Variants in NCOA6 observed in about 807,000 individuals in gnomAD.
NCOA6 encodes NRC RAP250.
In NCOA6, 49 loss-of-function variants were observed where a neutral mutation model predicts 171.4. That is an observed-to-expected ratio of 0.29 (90% confidence interval 0.23 to 0.36). The LOEUF is 0.36. NCOA6 is among the 10% of genes least tolerant of loss of function. The pLI, the probability that NCOA6 is intolerant of heterozygous loss-of-function variation, is 1.00. For missense variants in NCOA6, 2,248 were observed against 2,554.5 expected (o/e 0.88, Z 2.59); for synonymous variants, 910 against 927.5 (o/e 0.98, Z 0.34).
chr20:34,749,949 G>A lies in NCOA6; in HGVS notation c.2246C>T (p.Pro749Leu), dbSNP rs749154297. The change falls in exon 9 of 15, where the codon CCA becomes CTA. Residue 749 changes from proline to leucine, a missense_variant. Around this residue, in one of 7 missense-constraint regions of NCOA6, gnomAD observed 987 missense variants for 1,104.7 expected, o/e 0.89. Coordinates refer to ENST00000359003, the MANE Select transcript of NCOA6 (RefSeq NM_014071.5). ...GPAQIMRGPT[P>L]NMQGNMVQFT... ...CTGCACCATATTTCCTTGCATGTTTGGAGTTGGTCCCCTCATTATCTGGGC... is the reference window on the plus strand; with the variant it reads ...CTGCACCATATTTCCTTGCATGTTTAGAGTTGGTCCCCTCATTATCTGGGC... 17 of 1,614,016 alleles carry A rather than the reference G, an allele frequency of 1.1e-5. No individual in the cohort carries two copies. The highest frequency in any genetic ancestry group is 3.3e-5 in the South Asian group (3 of 91,088).
At chr20:34,791,352 G>C (rs2077876926) in intron 2 of NCOA6, among the ~76,000 whole-genome samples, 1 of 152,150 alleles carries the variant, frequency 6.6e-6, no homozygotes, top group African/African-American at 2.4e-5. Context: ...CCCATCATGA[G>C]TATTCTCTAA....
chr20:34,803,890 T>C (rs2078346575), intron 1 of NCOA6, among the ~76,000 whole-genome samples: 1 of 150,950 alleles, frequency 6.6e-6, no homozygotes, highest in African/African-American at 2.4e-5. Flanking sequence ...TCCCACCTAC[T>C]AGGAGGCTGA....
At chr20:34,753,392 T>C (rs1280293951) in intron 8 of NCOA6, among the ~76,000 whole-genome samples, 1 of 149,896 alleles carries the variant, frequency 6.7e-6, no homozygotes, top group Non-Finnish European at 1.5e-5. Context: ...CTGGGTACAG[T>C]GGCTCATGCC....
chr20:34,825,532 C>T lies in NCOA6; in HGVS notation c.-224G>A, dbSNP rs1445814403. 1 of 149,370 alleles carries T rather than the reference C, an allele frequency of 6.7e-6. No individual in the cohort carries two copies. The highest frequency in any genetic ancestry group is 6.7e-5 in the Admixed American group (1 of 15,036). 9.3% of individuals were successfully genotyped at this position (149,370 alleles called of 1,614,324 possible). A position where few individuals can be genotyped will look rare whatever the true frequency, so the allele number is the denominator to read the frequency against. On this transcript the variant is annotated 5_prime_UTR_variant, in exon 1 of 15. Transcript: ENST00000359003. ...GAGCGCCGGCCCGGGCCGTGCGTGC[C>T]CGCCGCCCTCGGTGCGTCCGTCCGT...
chr20:34,730,891 T>C (rs1021667077), intron 13 of NCOA6, among the ~76,000 whole-genome samples: 4 of 151,794 alleles, frequency 2.6e-5, no homozygotes, highest in African/African-American at 9.7e-5. Flanking sequence ...ATTTTTTGTA[T>C]AGACAGGGTT....
intron 12 of NCOA6, chr20:34,732,859 G>A: frequency 3.3e-6 from 1 of 298,948 alleles, no homozygotes; most frequent in Non-Finnish European, 6.2e-6. Flanking sequence ...ACCCTTCCTT[G>A]TTCATATTTC....
Position 34,741,640 on chromosome 20 carries a change from G to T in NCOA6, c.4616C>A (p.Ser1539Tyr). The change falls in exon 11 of 15, where the codon TCT becomes TAT. Residue 1539 changes from serine to tyrosine, a missense_variant. Coordinates refer to ENST00000359003, the MANE Select transcript of NCOA6 (RefSeq NM_014071.5). ...TAGGGAATTAGAAGGTTCTTTAGAA[G>T]AAGACAGATCCTGCAGTGTGGGAAT... ...SVIPTLQDLSSSKEPSNSLNL... is the reference protein window; with the variant it reads ...SVIPTLQDLSYSKEPSNSLNL... The T allele has an allele frequency of 1.2e-6, 2 of 1,614,222 alleles. No individual in the cohort carries two copies. Among genetic ancestry groups the T allele is most frequent in the Non-Finnish European group, 1.7e-6 (2 of 1,180,048 alleles).
At chr20:34,725,759 T>G (rs1450290772) in intron 14 of NCOA6, among the ~76,000 whole-genome samples, 2 of 152,172 alleles carry the variant, frequency 1.3e-5, no homozygotes, top group East Asian at 3.9e-4. Context: ...GTGGTGCCAT[T>G]TATTGAGATG....
chr20:34,803,385 A>G (rs2078321497), intron 1 of NCOA6, among the ~76,000 whole-genome samples: 1 of 151,262 alleles, frequency 6.6e-6, no homozygotes, highest in Admixed American at 6.6e-5. Context: ...GGAGAATCAC[A>G]TGAACTCAGA....
At chr20:34,766,666 A>G (rs2076992282) in intron 5 of NCOA6, among the ~76,000 whole-genome samples, 1 of 152,216 alleles carries the variant, frequency 6.6e-6, no homozygotes, top group East Asian at 1.9e-4. Context: ...TACTAATAAC[A>G]GTTAAGTGGC....
intron 13 of NCOA6, among the ~76,000 whole-genome samples, chr20:34,731,691 A>G (rs916271022): frequency 6.6e-6 from 1 of 152,230 alleles, no homozygotes; most frequent in African/African-American, 2.4e-5. Context: ...GTTGCTGTAC[A>G]ATTATGAGAA....
chr20:34,721,952 G>A (rs1989395003), intron 14 of NCOA6, among the ~76,000 whole-genome samples: 1 of 150,024 alleles, frequency 6.7e-6, no homozygotes, highest in Non-Finnish European at 1.5e-5. Context: ...TTACTCAGGA[G>A]GCTAAGGCAG....
chr20:34,747,122 A>T (rs1163941340), intron 9 of NCOA6, among the ~76,000 whole-genome samples, 194 bp from the exon 10 acceptor site: 1 of 152,166 alleles, frequency 6.6e-6, no homozygotes, highest in Non-Finnish European at 1.5e-5. Flanking sequence ...TAAATGTTAA[A>T]ATCCATTTAA....
chr20:34,761,623 T>C (rs981228782), intron 5 of NCOA6, among the ~76,000 whole-genome samples: 2 of 152,170 alleles, frequency 1.3e-5, no homozygotes, highest in African/African-American at 4.8e-5. Flanking sequence ...CTTGGAAATA[T>C]TAAGAATTCT....
intron 12 of NCOA6, among the ~76,000 whole-genome samples, chr20:34,733,892 T>C (rs2145423619): frequency 6.7e-6 from 1 of 149,204 alleles, no homozygotes; most frequent in East Asian, 2.0e-4. Context: ...AGGGAATCTT[T>C]GCTTCTCATT....
Position 34,782,198 on chromosome 20 carries a change from T to C in NCOA6, c.158A>G (p.Lys53Arg), listed in dbSNP as rs1375976257. The C allele has an allele frequency of 6.2e-7, 1 of 1,612,692 alleles. No homozygotes were observed. The highest frequency in any genetic ancestry group is 1.1e-5 in the South Asian group (1 of 90,902). Residue 53 changes from lysine to arginine, a missense_variant, in exon 3 of 15, where the codon AAA (lysine) becomes AGA (arginine). Physicochemically the swap from Lys to Arg is conservative, Grantham distance 26. This residue lies in a region of NCOA6 where 987 missense variants were observed against 1,104.7 expected (regional missense o/e 0.89). Transcript: ENST00000359003. ...LEDSTIFVAF[K>R]GNIDDKDFKW... is the part of the protein sequence containing the mutation. The stretch of plus-strand genomic sequence containing the variant: ...GAAGTCTTTATCATCTATATTTCCT[T>C]TGAAGGCCACAAAAATTGTGGAATC...
intron 2 of NCOA6, among the ~76,000 whole-genome samples, chr20:34,789,144 C>G (rs749275314): frequency 6.6e-6 from 1 of 152,128 alleles, no homozygotes; most frequent in Non-Finnish European, 1.5e-5. Context: ...GAAGCAGCAT[C>G]TAGAAAGCTT....
rs2076702038 is a variant in NCOA6 at position 34,758,029 on chromosome 20, T to C, written c.719A>G (p.His240Arg). Residue 240 changes from histidine (H) to arginine (R), a missense_variant, in exon 7 of 15, where the codon CAT (histidine) becomes CGT (arginine). Physicochemically the swap from His to Arg is conservative, Grantham distance 29. Transcript: ENST00000359003. The stretch of plus-strand genomic sequence containing the variant: ...CACAGAGACAGGCTGCATTGGGTGA[T>C]GTGGGGGAGCTAAAGATCCTGAGGG... Reference protein sequence around the residue: ...SHPSGSLAPPHHPMQPVSVNR... With the variant: ...SHPSGSLAPPRHPMQPVSVNR... 6.8e-6 allele frequency: 11 copies of C among 1,614,092 alleles called. No homozygotes were observed. The highest frequency in any genetic ancestry group is 9.3e-6 in the Non-Finnish European group (11 of 1,180,018).
intron 2 of NCOA6, among the ~76,000 whole-genome samples, chr20:34,784,385 C>T (rs2077603870): frequency 6.6e-6 from 1 of 151,918 alleles, no homozygotes; most frequent in Admixed American, 6.6e-5. Flanking sequence ...CCACCGTGCC[C>T]AGCTAATTTT....
Sources: allele counts gnomAD v4.1 joint callset (sites outside exome capture counted in the v4.1 genomes callset), GRCh38; gene constraint gnomAD v4.1.1; regional missense constraint gnomAD v4.1.1; transcripts MANE v1.5; gene names NCBI Gene and HGNC (gene_info 2026-07-23, HGNC 2026-07-21).